UBAC2: variants seen among roughly 807,000 people sequenced by gnomAD.
UBAC2 encodes the protein ubiquitin-associated domain-containing protein 2.
UBAC2 carries 26 observed loss-of-function variants against 44.0 expected under a neutral mutation model. The ratio of observed to expected loss-of-function variants is 0.59; its 90% confidence interval spans 0.43 to 0.82. UBAC2 has a LOEUF of 0.82. UBAC2 is among the 40% of genes least tolerant of loss of function. The probability of loss-of-function intolerance (pLI) is 0.00; values close to 1 mark genes in which losing one functional copy is unlikely to be tolerated. For missense variants in UBAC2, 329 were observed against 419.4 expected (o/e 0.78, Z 1.88); for synonymous variants, 155 against 154.3 (o/e 1.00, Z -0.04).
chr13:99,275,915 A>G (rs1174817438), intron 4 of UBAC2, among the ~76,000 whole-genome samples: 1 of 152,186 alleles, frequency 6.6e-6, no homozygotes, highest in Non-Finnish European at 1.5e-5. Flanking sequence ...TTCCCTGCTC[A>G]CCACCAATGG....
intron 4 of UBAC2, among the ~76,000 whole-genome samples, chr13:99,299,622 T>A (rs1035584632): frequency 3.9e-5 from 6 of 152,122 alleles, no homozygotes; most frequent in Non-Finnish European, 5.9e-5. Context: ...GTAAAAAAAA[T>A]TTTAATGGGA....
At chr13:99,338,922 T>G (rs957285431) in intron 6 of UBAC2, among the ~76,000 whole-genome samples, 8 of 152,218 alleles carry the variant, frequency 5.3e-5, no homozygotes, top group African/African-American at 1.4e-4. Context: ...CAGATTTCCT[T>G]ACTGGCGTTT....
At chr13:99,229,350 T>C (rs191636828) in intron 1 of UBAC2, among the ~76,000 whole-genome samples, 1 of 152,284 alleles carries the variant, frequency 6.6e-6, no homozygotes, top group African/African-American at 2.4e-5. Flanking sequence ...ATTGATGATA[T>C]TTGGGGATTT....
intron 4 of UBAC2, among the ~76,000 whole-genome samples, chr13:99,286,081 C>T (rs915340870): frequency 1.3e-5 from 2 of 152,210 alleles, no homozygotes; most frequent in Non-Finnish European, 1.5e-5. Flanking sequence ...TTCCAGGAGT[C>T]TATTCCTGGA....
chr13:99,238,459 G>A lies in UBAC2; in HGVS notation c.64G>A (p.Val22Ile). 6.2e-7 allele frequency: 1 copy of A among 1,613,720 alleles called. No individual in the cohort carries two copies. The highest frequency in any genetic ancestry group is 8.5e-7 in the Non-Finnish European group (1 of 1,179,812). ...GCCTCTGTCGAAGAGCCTTCTGCTG[G>A]TCCCCAGTGCCCTCTCCCTCCTGCT... ...KAPLSKSLLL[V>I]PSALSLLLAL... The change falls in exon 2 of 9, where the codon GTC (valine) becomes ATC (isoleucine). Residue 22 changes from valine (V) to isoleucine (I), a missense_variant. By Grantham distance (29) the Val-to-Ile change is conservative. Coordinates refer to ENST00000403766, the MANE Select transcript of UBAC2 (RefSeq NM_001144072.2).
chr13:99,266,347 A>G (rs978222821), intron 4 of UBAC2, among the ~76,000 whole-genome samples: 3 of 152,096 alleles, frequency 2.0e-5, no homozygotes, highest in Non-Finnish European at 2.9e-5. Flanking sequence ...CACTAACACT[A>G]ATGATAGCTG....
At position 99,255,474 on chromosome 13, in the gene UBAC2, T is replaced by C. The variant is rs151309537; in HGVS notation, c.389+10850T>C. The stretch of plus-strand genomic sequence containing the variant: ...ACGCCAGCACGGCTTTGCACGTGTT[T>C]TTAAGTTCTTTGGCGTACTTCGGCT... On this transcript the variant is annotated intron_variant, in intron 4 of 8. Transcript: ENST00000403766. The C allele has an allele frequency of 8.5e-4, 1,378 of 1,614,108 alleles. 12 individuals are homozygous for C. The African/African-American group carries it at 0.015, about 18-fold the overall frequency.
intron 1 of UBAC2, among the ~76,000 whole-genome samples, chr13:99,236,167 T>G (rs1267121981): frequency 6.6e-6 from 1 of 152,170 alleles, no homozygotes; most frequent in Non-Finnish European, 1.5e-5. Flanking sequence ...GTGTAAGATC[T>G]CAAAAGCACA....
chr13:99,297,413 T>C (rs2044193262), intron 4 of UBAC2, among the ~76,000 whole-genome samples: 1 of 152,178 alleles, frequency 6.6e-6, no homozygotes, highest in South Asian at 2.1e-4. Flanking sequence ...CCTTAAAGAC[T>C]ATCTCTACCC....
intron 6 of UBAC2, among the ~76,000 whole-genome samples, chr13:99,338,065 T>TA (rs2044825246): frequency 9.7e-6 from 1 of 103,340 alleles, no homozygotes; most frequent in Non-Finnish European, 2.1e-5. Flanking sequence ...TTTTTTTTTT[T>TA]TTTTTTTTTT....
chr13:99,233,550 G>C (rs181484862), intron 1 of UBAC2, among the ~76,000 whole-genome samples: 1 of 152,144 alleles, frequency 6.6e-6, no homozygotes, highest in Non-Finnish European at 1.5e-5. Flanking sequence ...CAGAGCAGGC[G>C]TTGAGGGCCC....
rs150328288 is a variant in UBAC2, at chr13:99,333,643, T to A, written c.562-6677T>A. Among the ~76,000 whole-genome samples, 385 of 152,340 alleles carry A rather than the reference T, an allele frequency of 2.5e-3. 1 individual carries two copies. Among genetic ancestry groups the A allele is most frequent in the South Asian group, 4.4e-3 (21 of 4,824 alleles). ...TGTAAGCAGATGAACACAAAAGCCC[T>A]ACTTCCCTGCCAGAATTTGCAGTCC... On this transcript the variant is annotated intron_variant, in intron 6 of 8. Coordinates refer to ENST00000403766, the MANE Select transcript of UBAC2 (RefSeq NM_001144072.2).
At chr13:99,232,399 G>GAGATAGAGATATATATAT (rs1367302629) in intron 1 of UBAC2, among the ~76,000 whole-genome samples, 1 of 109,902 alleles carries the variant, frequency 9.1e-6, no homozygotes, top group African/African-American at 2.9e-5. Context: ...TTAGTTGAGA[G>GAGATAGAGATATATATAT]ATATAGATAT....
At chr13:99,299,589 C>T (rs2044227568) in intron 4 of UBAC2, among the ~76,000 whole-genome samples, 1 of 152,104 alleles carries the variant, frequency 6.6e-6, no homozygotes, top group Non-Finnish European at 1.5e-5. Flanking sequence ...CATTTCTAGT[C>T]AGTGACTGGA....
At chr13:99,218,032 C>T (rs750310230) in intron 1 of UBAC2, among the ~76,000 whole-genome samples, 1 of 152,198 alleles carries the variant, frequency 6.6e-6, no homozygotes. Flanking sequence ...TTTCTGTAAG[C>T]GTCCTGATTT....
chr13:99,319,678 C>T (rs988117251), intron 6 of UBAC2, among the ~76,000 whole-genome samples: 5 of 152,168 alleles, frequency 3.3e-5, no homozygotes, highest in African/African-American at 9.7e-5. Context: ...CAGAGCTAAA[C>T]CCTATTGTGA....
At chr13:99,231,565 C>G (rs750015297) in intron 1 of UBAC2, 1 of 151,792 alleles carries the variant, frequency 6.6e-6, no homozygotes, top group Non-Finnish European at 1.5e-5. Flanking sequence ...GGCGTGCCAC[C>G]ACGCCCAGCT....
intron 6 of UBAC2, among the ~76,000 whole-genome samples, chr13:99,320,235 G>C (rs549292740): frequency 6.6e-6 from 1 of 152,068 alleles, no homozygotes; most frequent in African/African-American, 2.4e-5. Flanking sequence ...TCTCTTTATA[G>C]TCTTTTTAAA....
intron 1 of UBAC2, among the ~76,000 whole-genome samples, chr13:99,229,462 G>A (rs983418737): frequency 1.3e-5 from 2 of 152,230 alleles, no homozygotes; most frequent in African/African-American, 4.8e-5. Context: ...TGAGAACAAA[G>A]CAATGGATGT....
Sources: gnomAD v4.1 joint callset for allele counts (sites outside exome capture counted in the v4.1 genomes callset) on GRCh38, gnomAD v4.1.1 for gene constraint, MANE v1.5 for transcripts, NCBI Gene and HGNC (gene_info 2026-07-23, HGNC 2026-07-21) for gene names.